ATG7: variants seen among roughly 807,000 people sequenced by gnomAD.
ATG7 encodes the protein ubiquitin-like modifier-activating enzyme ATG7.
ATG7 carries 70 observed loss-of-function variants against 82.4 expected under a neutral mutation model. The ratio of observed to expected loss-of-function variants is 0.85; its 90% CI spans 0.70 to 1.04. ATG7 has a LOEUF of 1.04. ATG7 is among the 50% of genes least tolerant of loss of function. The pLI is 0.00. For synonymous variants in ATG7, 287 were observed against 313.0 expected, an observed-to-expected ratio of 0.92 and a Z score of 0.88; for missense variants, 792 against 864.3, an observed-to-expected ratio of 0.92 and a Z score of 1.05.
At chr3:11,427,071 A>G in intron 20 of ATG7, 145 bp downstream of exon 20, 1 of 1,086,816 alleles carries the variant, frequency 9.2e-7, no homozygotes, top group South Asian at 2.0e-5. Context: ...TAGTTACCAG[A>G]GAACGAATAA....
At chr3:11,339,308 A>AAAAC in intron 11 of ATG7, among the ~76,000 whole-genome samples, 1 of 144,800 alleles carries the variant, frequency 6.9e-6, no homozygotes, top group East Asian at 2.1e-4. Flanking sequence ...AAAAAAAAAA[A>AAAAC]AAAAAGAAAA....
intron 3 of ATG7, among the ~76,000 whole-genome samples, chr3:11,286,453 G>A (rs346079): frequency 0.53 from 79,917 of 151,232 alleles, 22,023 homozygotes; most frequent in Non-Finnish European, 0.63. Context: ...TGGCTTCTGG[G>A]GTTTGTTCTC....
At chr3:11,410,134 A>G (rs1313761210) in intron 19 of ATG7, among the ~76,000 whole-genome samples, 1 of 152,098 alleles carries the variant, frequency 6.6e-6, no homozygotes, top group Non-Finnish European at 1.5e-5. Context: ...GATTGCATTG[A>G]CTCTATAGGT....
chr3:11,359,503 T>TG (rs1343475427), intron 15 of ATG7, among the ~76,000 whole-genome samples: 4 of 152,176 alleles, frequency 2.6e-5, no homozygotes, highest in African/African-American at 9.6e-5. Flanking sequence ...GAGACTAGCC[T>TG]GGGCAACATG....
At position 11,315,364 on chromosome 3, in the gene ATG7, A is replaced by C; in HGVS notation, c.549A>C (p.Ala183=). The C allele has an allele frequency of 6.2e-7, 1 of 1,605,736 alleles. No homozygotes were observed. The highest frequency in any genetic ancestry group is 1.1e-5 in the South Asian group (1 of 88,874). ...TTCAGATTGAAGCACTAGAGTGTGC[A>C]TATGATAATCTTTGTCAAACAGAAG... ...SLKQIEALEC[A]YDNLCQTEGV... is the part of the protein sequence containing the mutation. The change falls in exon 9 of 21, where the codon GCA becomes GCC. Residue 183 remains alanine, a synonymous_variant. Transcript: ENST00000693202.
chr3:11,393,521 C>T (rs2078980850), intron 19 of ATG7, among the ~76,000 whole-genome samples: 1 of 152,070 alleles, frequency 6.6e-6, no homozygotes, highest in African/African-American at 2.4e-5. Flanking sequence ...TTATTTGACC[C>T]TGGAAATATT....
intron 20 of ATG7, among the ~76,000 whole-genome samples, chr3:11,495,085 A>G (rs984750321): frequency 6.6e-6 from 1 of 152,030 alleles, no homozygotes; most frequent in Non-Finnish European, 1.5e-5. Context: ...CTCAGAAAAA[A>G]AAAAGGCTTG....
intron 20 of ATG7, among the ~76,000 whole-genome samples, chr3:11,541,351 T>C (rs1414460402): frequency 6.6e-6 from 1 of 152,246 alleles, no homozygotes; most frequent in Non-Finnish European, 1.5e-5. Context: ...GTCAAATTAC[T>C]GTGCCACCTT....
chr3:11,485,025 G>A (rs2153037962), intron 20 of ATG7, among the ~76,000 whole-genome samples: 1 of 152,284 alleles, frequency 6.6e-6, no homozygotes, highest in African/African-American at 2.4e-5. Context: ...TGTCTTTATA[G>A]CAGCATGATT....
intron 20 of ATG7, among the ~76,000 whole-genome samples, chr3:11,441,280 G>T (rs1291066477): frequency 6.6e-6 from 1 of 152,138 alleles, no homozygotes; most frequent in Non-Finnish European, 1.5e-5. Flanking sequence ...GTCTCACTCT[G>T]TTGCCCAGGC....
At position 11,523,864 on chromosome 3, in the gene ATG7, G is replaced by A. The variant is rs142117376; in HGVS notation, c.2080-30947G>A. Among the ~76,000 whole-genome samples, 48 of 152,260 alleles carry A rather than the reference G, an allele frequency of 3.2e-4. 1 individual carries two copies. The highest frequency in any genetic ancestry group is 9.6e-4 in the African/African-American group (40 of 41,554). ...ATGCATAGCAAGGGATGGGGAAAGC[G>A]GACCTGGACTGGACACAGAATCTTC... On this transcript the variant is annotated intron_variant, in intron 20 of 20. Coordinates refer to ENST00000693202, the MANE Select transcript of ATG7 (RefSeq NM_001349232.2).
chr3:11,357,316 A>G (rs1190560775), intron 14 of ATG7, among the ~76,000 whole-genome samples: 1 of 152,208 alleles, frequency 6.6e-6, no homozygotes. Flanking sequence ...CAAGGGGCAG[A>G]TGGTAAATTA....
chr3:11,406,251 A>G (rs2080326038), intron 19 of ATG7, among the ~76,000 whole-genome samples: 1 of 152,070 alleles, frequency 6.6e-6, no homozygotes. Context: ...CAGCCTCTCA[A>G]AGTGCTGGGA....
intron 20 of ATG7, among the ~76,000 whole-genome samples, chr3:11,513,002 T>A (rs2092131773): frequency 6.6e-6 from 1 of 152,048 alleles, no homozygotes; most frequent in South Asian, 2.1e-4. Flanking sequence ...CCCACCAGAG[T>A]AGCTAGATAC....
intron 2 of ATG7, among the ~76,000 whole-genome samples, chr3:11,281,790 A>G (rs958566925): frequency 2.8e-4 from 42 of 151,958 alleles, no homozygotes; most frequent in Non-Finnish European, 4.6e-4. Flanking sequence ...AAAAAAAAAA[A>G]AGAGAAAAGA....
rs769589958 is a variant in ATG7, at chr3:11,341,871, A to G, written c.981-264A>G. 3.3e-4 allele frequency among the ~76,000 whole-genome samples: 51 copies of G among 152,250 alleles called. 1 individual carries two copies. The Middle Eastern group carries it at 0.014, about 41-fold the overall frequency. ...TTTATTCATGGACACCATGATTCCTATCACTGGTCATGCTCTTCCCTTTTC... is the reference window on the plus strand; with the variant it reads ...TTTATTCATGGACACCATGATTCCTGTCACTGGTCATGCTCTTCCCTTTTC... On this transcript the variant is annotated intron_variant, in intron 12 of 20. Coordinates refer to ENST00000693202, the MANE Select transcript of ATG7 (RefSeq NM_001349232.2).
intron 20 of ATG7, among the ~76,000 whole-genome samples, chr3:11,427,585 AGGTG>A (rs1241907242): frequency 6.6e-6 from 1 of 151,732 alleles, no homozygotes; most frequent in East Asian, 1.9e-4. Context: ...TGAGAGGCCA[AGGTG>A]GGTGGGTCAC....
intron 20 of ATG7, among the ~76,000 whole-genome samples, chr3:11,456,316 T>TA (rs1021588862): frequency 2.0e-5 from 3 of 152,254 alleles, no homozygotes; most frequent in African/African-American, 7.2e-5. Flanking sequence ...TATCAGAACT[T>TA]CATTCCTTTT....
intron 20 of ATG7, among the ~76,000 whole-genome samples, chr3:11,485,071 G>C (rs190385406): frequency 3.2e-4 from 48 of 152,282 alleles, no homozygotes; most frequent in African/African-American, 1.1e-3. Flanking sequence ...TAATGGGATG[G>C]CTGGGTCAAA....
Sources: gnomAD v4.1 joint callset for allele counts (sites outside exome capture counted in the v4.1 genomes callset) on GRCh38, gnomAD v4.1.1 for gene constraint, MANE v1.5 for transcripts, NCBI Gene and HGNC (gene_info 2026-07-23, HGNC 2026-07-21) for gene names.